Variants in ATRNL1 observed in about 807,000 individuals in gnomAD.
The protein encoded by ATRNL1 is attractin like 1.
A neutral mutation model predicts 182.7 loss-of-function variants in ATRNL1; 95 were observed. The ratio of observed to expected loss-of-function variants is 0.52; its 90% confidence interval spans 0.44 to 0.62. ATRNL1 has a LOEUF of 0.62. ATRNL1 is among the 20% of genes least tolerant of loss of function. ATRNL1 has a pLI of 0.00. For synonymous variants in ATRNL1, 576 were observed against 568.3 expected, an observed-to-expected ratio of 1.01 and a Z score of -0.19; for missense variants, 1,471 against 1,679.5, an observed-to-expected ratio of 0.88 and a Z score of 2.17.
At chr10:115,328,115 A>T (rs1855012724) in intron 18 of ATRNL1, among the ~76,000 whole-genome samples, 1 of 152,082 alleles carries the variant, frequency 6.6e-6, no homozygotes, top group Non-Finnish European at 1.5e-5. Context: ...AAAAAAAAGA[A>T]ACAGTACCTT....
At chr10:115,484,921 C>T (rs1243584059) in intron 24 of ATRNL1, among the ~76,000 whole-genome samples, 3 of 151,586 alleles carry the variant, frequency 2.0e-5, no homozygotes, top group African/African-American at 7.3e-5. Flanking sequence ...CAGGAGCATG[C>T]AATAGGGAGA....
At chr10:115,935,181 A>G (rs1386417726) in intron 28 of ATRNL1, among the ~76,000 whole-genome samples, 2 of 152,080 alleles carry the variant, frequency 1.3e-5, no homozygotes, top group African/African-American at 4.8e-5. Flanking sequence ...CCCTAGTTTG[A>G]TGTTCTTTGA....
intron 10 of ATRNL1, among the ~76,000 whole-genome samples, chr10:115,258,588 A>G (rs1194015801): frequency 1.3e-5 from 2 of 151,976 alleles, no homozygotes; most frequent in African/African-American, 2.4e-5. Flanking sequence ...GAATTTTGTT[A>G]TTACCTACCT....
chr10:115,945,265 T>C lies in ATRNL1; in HGVS notation c.*486T>C, dbSNP rs1953851377. 6.6e-6 allele frequency: 1 copy of C among 152,216 alleles called. No homozygotes were observed. The highest frequency in any genetic ancestry group is 1.5e-5 in the Non-Finnish European group (1 of 68,090). 9.4% of individuals were successfully genotyped at this position (152,216 alleles called of 1,614,324 possible). A position where few individuals can be genotyped will look rare whatever the true frequency, so the allele number is the denominator to read the frequency against. ...TCTCGTTGTAAAGGTAAGGCAAGAT[T>C]TTGATGTAGTAGGATGTAGGTAATG... On this transcript the variant is annotated 3_prime_UTR_variant, in exon 29 of 29. Transcript: ENST00000355044.
chr10:115,128,388 A>AT (rs1845066979), intron 4 of ATRNL1: 1 of 481,462 alleles, frequency 2.1e-6, no homozygotes, highest in Non-Finnish European at 2.7e-6. Flanking sequence ...TCTATATATT[A>AT]TTTTTTTCTT....
intron 1 of ATRNL1, among the ~76,000 whole-genome samples, chr10:115,103,004 G>C (rs777002515): frequency 1.7e-4 from 25 of 146,376 alleles, no homozygotes; most frequent in Non-Finnish European, 3.1e-4. Context: ...GTTTTTTGTA[G>C]TTATCAGATA....
intron 6 of ATRNL1, among the ~76,000 whole-genome samples, chr10:115,164,063 T>G (rs1846924163): frequency 6.6e-6 from 1 of 152,186 alleles, no homozygotes; most frequent in Non-Finnish European, 1.5e-5. Flanking sequence ...GATAGCAAGC[T>G]TCTTAAAACA....
At chr10:115,133,091 C>T (rs369340469) in intron 5 of ATRNL1, among the ~76,000 whole-genome samples, 39 of 152,272 alleles carry the variant, frequency 2.6e-4, no homozygotes, top group African/African-American at 8.4e-4. Flanking sequence ...TTTAATTTAT[C>T]TTGAATTATT....
intron 21 of ATRNL1, among the ~76,000 whole-genome samples, chr10:115,427,066 A>G (rs1177900177): frequency 2.6e-5 from 4 of 152,114 alleles, no homozygotes; most frequent in Non-Finnish European, 5.9e-5. Flanking sequence ...GTTTCCCCAA[A>G]TGGTTGTACC....
chr10:115,574,573 A>G (rs1196231350), intron 26 of ATRNL1, among the ~76,000 whole-genome samples: 9 of 152,162 alleles, frequency 5.9e-5, no homozygotes, highest in African/African-American at 1.9e-4. Context: ...CTTGTACTGA[A>G]TATTTGGCTG....
At chr10:115,388,633 T>C (rs2134256884) in intron 19 of ATRNL1, among the ~76,000 whole-genome samples, 1 of 152,128 alleles carries the variant, frequency 6.6e-6, no homozygotes, top group Non-Finnish European at 1.5e-5. Context: ...TAGGTTATTT[T>C]TTCTCATTTA....
chr10:115,185,051 T>C (rs962960579), intron 8 of ATRNL1, among the ~76,000 whole-genome samples: 3 of 151,996 alleles, frequency 2.0e-5, no homozygotes, highest in Non-Finnish European at 2.9e-5. Context: ...GAACTGCAGC[T>C]ATGAAATGGG....
intron 8 of ATRNL1, among the ~76,000 whole-genome samples, chr10:115,211,246 T>G (rs1849012702): frequency 6.8e-6 from 1 of 145,996 alleles, no homozygotes; most frequent in African/African-American, 2.5e-5. Context: ...GACAAATTCT[T>G]TTTTTTTTTT....
chr10:115,942,437 A>G (rs2620964), intron 28 of ATRNL1, among the ~76,000 whole-genome samples: 149,902 of 152,334 alleles, frequency 0.98, 73,807 homozygotes, highest in East Asian at 1. Flanking sequence ...CTGCTGGCCC[A>G]TTTGCCACTT....
At chr10:115,339,514 A>T (rs932030719) in intron 19 of ATRNL1, among the ~76,000 whole-genome samples, 2 of 152,192 alleles carry the variant, frequency 1.3e-5, no homozygotes, top group East Asian at 3.9e-4. Context: ...TATATTGTTC[A>T]CTATTGGCAT....
intron 17 of ATRNL1, among the ~76,000 whole-genome samples, chr10:115,306,564 T>C (rs1853743061): frequency 6.6e-6 from 1 of 152,114 alleles, no homozygotes; most frequent in Non-Finnish European, 1.5e-5. Context: ...TTTTAGATTT[T>C]TTAGATTTTC....
At chr10:115,806,831 G>C (rs571740707) in intron 27 of ATRNL1, among the ~76,000 whole-genome samples, 5 of 152,042 alleles carry the variant, frequency 3.3e-5, no homozygotes, top group Admixed American at 1.3e-4. Flanking sequence ...TATAGGGTTC[G>C]TATGAGGATT....
intron 25 of ATRNL1, 110 bp downstream of exon 25, chr10:115,519,434 G>A: frequency 4.6e-6 from 4 of 877,074 alleles, no homozygotes; most frequent in South Asian, 1.5e-5. Context: ...GTATCATAGA[G>A]TATGTCTTGA....
At chr10:115,723,509 T>G (rs1176459461) in intron 26 of ATRNL1, among the ~76,000 whole-genome samples, 2 of 150,054 alleles carry the variant, frequency 1.3e-5, no homozygotes, top group Non-Finnish European at 3.0e-5. Context: ...GTTGTCAAAT[T>G]TAAGCGTAGA....
Sources: allele counts gnomAD v4.1 joint callset (sites outside exome capture counted in the v4.1 genomes callset), GRCh38; gene constraint gnomAD v4.1.1; transcripts MANE v1.5; gene names NCBI Gene and HGNC (gene_info 2026-07-23, HGNC 2026-07-21).